Variants in TPCN1 observed in about 807,000 individuals in gnomAD.
TPCN1 encodes the protein two pore segment channel 1, also known as two pore channel protein 1.
Under a neutral mutation model 108.8 loss-of-function variants are expected in TPCN1, and 52 were observed. That is an observed-to-expected ratio of 0.48 (90% confidence interval 0.38 to 0.60). TPCN1 has a LOEUF of 0.60. TPCN1 is among the 20% of genes least tolerant of loss of function. The pLI, the probability that TPCN1 is intolerant of heterozygous loss-of-function variation, is 0.00. For synonymous variants in TPCN1, 446 were observed against 433.7 expected (o/e 1.03, Z -0.35); for missense variants, 806 against 1,072.8 (o/e 0.75, Z 3.47).
intron 2 of TPCN1, among the ~76,000 whole-genome samples, chr12:113,243,831 A>G (rs1480846476): frequency 6.6e-6 from 1 of 152,238 alleles, no homozygotes; most frequent in East Asian, 1.9e-4. Context: ...TTGCAACCTT[A>G]GGATGTCTGT....
At chr12:113,244,349 T>G in intron 2 of TPCN1, 1 of 985,502 alleles carries the variant, frequency 1.0e-6, no homozygotes, top group Non-Finnish European at 1.2e-6. Context: ...TGCCAGTTCT[T>G]GCCTTTCTGA....
At chr12:113,243,286 C>T (rs981577756) in intron 2 of TPCN1, among the ~76,000 whole-genome samples, 8 of 152,110 alleles carry the variant, frequency 5.3e-5, no homozygotes, top group Non-Finnish European at 1.0e-4. Flanking sequence ...ACAAGAATCA[C>T]TTGAACCCGG....
At chr12:113,226,614 G>A in intron 1 of TPCN1, 114 bp from the exon 2 acceptor site, 1 of 897,382 alleles carries the variant, frequency 1.1e-6, no homozygotes, top group African/African-American at 1.7e-5. Flanking sequence ...TACTTGAGTG[G>A]TTTTTATTCA....
At chr12:113,291,733 C>A in intron 24 of TPCN1, 56 bp downstream of exon 24, 1 of 1,591,984 alleles carries the variant, frequency 6.3e-7, no homozygotes, top group Non-Finnish European at 8.6e-7. Flanking sequence ...TCACCAGCTG[C>A]CCCTGCTCTT....
chr12:113,284,538 C>A lies in TPCN1; in HGVS notation c.1343-43C>A. On this transcript the variant is annotated intron_variant, in intron 15 of 27. Transcript: ENST00000335509. This position sits in a 1 kb window ranked among gnomAD's most constrained non-coding sequence, Gnocchi z 4.1. ...AGCTGCGACCTGCAGATTTCTAAGC[C>A]CCCCTGTTATTTCTCTGTCTTTTAC... is the stretch of plus-strand genomic sequence containing the variant. The A allele has an allele frequency of 6.2e-7, 1 of 1,610,690 alleles. No homozygotes were observed. Among genetic ancestry groups the A allele is most frequent in the Non-Finnish European group, 8.5e-7 (1 of 1,177,842 alleles).
In TPCN1 at chr12:113,273,690, T is replaced by C; in HGVS notation, c.942+22T>C. 3 of 1,596,324 alleles carry C rather than the reference T, an allele frequency of 1.9e-6. No homozygotes were observed. The highest frequency in any genetic ancestry group is 2.6e-6 in the Non-Finnish European group (3 of 1,164,148). ...CCTGGTGAGTGACTATGCCTCAGGC[T>C]ACGCTGAAGCAGCCTGCCCCTACCC... On this transcript the variant is annotated intron_variant, in intron 10 of 27. Coordinates refer to ENST00000335509, the MANE Select transcript of TPCN1 (RefSeq NM_017901.6). The surrounding 1 kb of genome is among the most constrained non-coding windows in gnomAD (Gnocchi z 4.0).
At chr12:113,267,063 G>T (rs1286676209) in intron 4 of TPCN1, among the ~76,000 whole-genome samples, 6 of 151,976 alleles carry the variant, frequency 3.9e-5, no homozygotes. Context: ...CCTTCACTTT[G>T]TCAATTCCTG....
rs774865620 is a variant in TPCN1 at position 113,272,668 on chromosome 12, G to A, written c.759G>A (p.Leu253=). 3 of 1,613,900 alleles carry A rather than the reference G, an allele frequency of 1.9e-6. No individual in the cohort carries two copies. Among genetic ancestry groups the A allele is most frequent in the East Asian group, 2.2e-5 (1 of 44,872 alleles). ...MIIFAILGFY[L]FSPNPSDPYF... is the part of the protein sequence containing the mutation. ...TCCACCCACTTCTAGGTTTCTACTT[G>A]TTCTCCCCTAACCCTTCAGACCCCG... is the stretch of plus-strand genomic sequence containing the variant. Residue 253 remains leucine (L), a synonymous_variant, in exon 8 of 28, where the codon TTG becomes TTA. Coordinates refer to ENST00000335509, the MANE Select transcript of TPCN1 (RefSeq NM_017901.6). This position sits in a 1 kb window ranked among gnomAD's most constrained non-coding sequence, Gnocchi z 4.1.
rs922086391 is a variant in TPCN1 at position 113,269,628 on chromosome 12, T to C, written c.660-129T>C. The C allele has an allele frequency of 4.5e-5, 35 of 773,892 alleles. No individual in the cohort carries two copies. The highest frequency in any genetic ancestry group is 6.4e-6 in the Non-Finnish European group (3 of 472,134). 47.9% of individuals were successfully genotyped at this position (773,892 alleles called of 1,614,324 possible). A position where few individuals can be genotyped will look rare whatever the true frequency, so the allele number is the denominator to read the frequency against. On this transcript the variant is annotated intron_variant, in intron 6 of 27. Transcript: ENST00000335509. This position sits in a 1 kb window ranked among gnomAD's most constrained non-coding sequence, Gnocchi z 5.0. Reference sequence around the variant, plus strand: ...CACTTTAGGAAAAAATGAAGCATGATGTCACACCAGAGTGCGTCAGGGTTT... The same window carrying C: ...CACTTTAGGAAAAAATGAAGCATGACGTCACACCAGAGTGCGTCAGGGTTT...
At chr12:113,255,056 G>A (rs1025443137) in intron 2 of TPCN1, among the ~76,000 whole-genome samples, 4 of 152,156 alleles carry the variant, frequency 2.6e-5, no homozygotes, top group African/African-American at 9.7e-5. Flanking sequence ...AGTGCCATAA[G>A]GCAAGAAAAA....
intron 22 of TPCN1, 145 bp from the exon 23 acceptor site, chr12:113,290,807 T>C: frequency 1.3e-6 from 1 of 767,518 alleles, no homozygotes; most frequent in South Asian, 1.5e-5. Context: ...TTGCCTGGTC[T>C]TTCCTGGAGC....
At chr12:113,264,230 C>T (rs1161989206) in intron 3 of TPCN1, among the ~76,000 whole-genome samples, 1 of 152,204 alleles carries the variant, frequency 6.6e-6, no homozygotes, top group African/African-American at 2.4e-5. Flanking sequence ...AAGGTGTTTG[C>T]TCCCTTTGAC....
intron 10 of TPCN1, among the ~76,000 whole-genome samples, chr12:113,275,981 A>G (rs1360718161): frequency 1.3e-5 from 2 of 152,252 alleles, no homozygotes; most frequent in African/African-American, 4.8e-5. Context: ...AATTTAGGGC[A>G]GCAGTCAACA....
intron 2 of TPCN1, among the ~76,000 whole-genome samples, chr12:113,240,289 G>T (rs959554547): frequency 7.9e-5 from 12 of 152,182 alleles, no homozygotes; most frequent in Admixed American, 2.0e-4. Flanking sequence ...AATGGAGGTG[G>T]CTTGGGAGAT....
chr12:113,290,831 G>A (rs1956243340), intron 22 of TPCN1, 121 bp from the exon 23 acceptor site: 4 of 891,186 alleles, frequency 4.5e-6, no homozygotes, highest in South Asian at 1.4e-5. Context: ...CAACCCAAGC[G>A]GTCATATGGT....
chr12:113,295,868 A>T, intron 27 of TPCN1, 92 bp from the exon 28 acceptor site: 1 of 1,385,220 alleles, frequency 7.2e-7, no homozygotes, highest in Admixed American at 2.3e-5. Flanking sequence ...TGCCCCTTCC[A>T]GCCTGGATGC....
intron 15 of TPCN1, chr12:113,280,401 T>A: frequency 4.3e-6 from 2 of 468,562 alleles, no homozygotes; most frequent in Non-Finnish European, 7.6e-6. Context: ...CGGCTCATCA[T>A]CCTCTCTAGA....
In TPCN1 at chr12:113,280,191, C is replaced by T; in HGVS notation, c.1338C>T (p.Phe446=). The T allele has an allele frequency of 6.2e-7, 1 of 1,608,724 alleles. No individual in the cohort carries two copies. The highest frequency in any genetic ancestry group is 8.5e-7 in the Non-Finnish European group (1 of 1,175,592). ...TGAAGTCCAAGGCCTTCCAGTATTTCATGTGTAAGTGTGAAATATCTCCAC... is the reference window on the plus strand; with the variant it reads ...TGAAGTCCAAGGCCTTCCAGTATTTTATGTGTAAGTGTGAAATATCTCCAC... ...ILVKSKAFQY[F]MYLVVAVNGV... is the part of the protein sequence containing the mutation. The change falls in exon 15 of 28, where the codon TTC becomes TTT. Residue 446 remains phenylalanine, a synonymous_variant. Coordinates refer to ENST00000335509, the MANE Select transcript of TPCN1 (RefSeq NM_017901.6).
Position 113,268,641 on chromosome 12 carries a change from G to A in TPCN1, c.529-101G>A, listed in dbSNP as rs1365169956. The A allele has an allele frequency of 2.0e-6, 3 of 1,490,918 alleles. No individual in the cohort carries two copies. Among genetic ancestry groups the A allele is most frequent in the African/African-American group, 1.4e-5 (1 of 72,668 alleles). The allele number at this position is 1,490,918 out of a possible 1,614,324, so 92.4% of individuals were successfully genotyped here. On this transcript the variant is annotated intron_variant, in intron 5 of 27. Transcript: ENST00000335509. This position sits in a 1 kb window ranked among gnomAD's most constrained non-coding sequence, Gnocchi z 7.3. ...GGCTGGAGAGAGGAGAAGGCCTCCC[G>A]AGGCCAGAGTGGGCACTGCCTCTCC...
Sources: gnomAD v4.1 joint callset for allele counts (sites outside exome capture counted in the v4.1 genomes callset) on GRCh38, gnomAD v4.1.1 for gene constraint, Gnocchi (gnomAD v3.1) non-coding constraint, MANE v1.5 for transcripts, NCBI Gene and HGNC (gene_info 2026-07-23, HGNC 2026-07-21) for gene names.